Variants in ASB5 observed in about 807,000 individuals in gnomAD.
ASB5 encodes ankyrin repeat and SOCS box protein 5.
Under a neutral mutation model 42.1 loss-of-function variants are expected in ASB5, and 45 were observed. That is an observed-to-expected ratio of 1.07 (90% CI 0.84 to 1.37). The LOEUF (loss-of-function observed/expected upper bound fraction) is 1.37, where lower values mean the gene tolerates loss of function less well. ASB5 is among the 40% of genes most tolerant of loss of function. The pLI, the probability that ASB5 is intolerant of heterozygous loss-of-function variation, is 0.00. For synonymous variants in ASB5, 147 were observed against 150.6 expected (o/e 0.98, Z 0.18); for missense variants, 402 against 399.8 (o/e 1.01, Z -0.05).
chr4:176,257,998 T>G (rs958517539), intron 1 of ASB5, among the ~76,000 whole-genome samples: 7 of 152,200 alleles, frequency 4.6e-5, no homozygotes, highest in African/African-American at 1.7e-4. Flanking sequence ...TATTATGTGC[T>G]TGTAGTAACC....
chr4:176,261,877 T>TAA (rs2126976591), intron 1 of ASB5, among the ~76,000 whole-genome samples: 1 of 151,888 alleles, frequency 6.6e-6, no homozygotes, highest in African/African-American at 2.4e-5. Context: ...TACATATATA[T>TAA]AATACAGAAA....
intron 1 of ASB5, chr4:176,237,259 G>T: frequency 2.0e-6 from 2 of 984,544 alleles, no homozygotes; most frequent in African/African-American, 1.7e-5. Flanking sequence ...TTTATTTCAG[G>T]ACACTGACAG....
At chr4:176,235,780 G>A (rs895251360) in intron 1 of ASB5, among the ~76,000 whole-genome samples, 6 of 149,894 alleles carry the variant, frequency 4.0e-5, no homozygotes, top group Non-Finnish European at 8.9e-5. Flanking sequence ...GTGAAAGTTT[G>A]CTAAGACTTG....
intron 1 of ASB5, among the ~76,000 whole-genome samples, chr4:176,254,855 G>T (rs2126972282): frequency 6.6e-6 from 1 of 152,274 alleles, no homozygotes. Flanking sequence ...ATGAGGGCCA[G>T]GTGCGGTGGC....
intron 1 of ASB5, among the ~76,000 whole-genome samples, chr4:176,226,865 G>A (rs1367008359): frequency 6.6e-6 from 1 of 152,222 alleles, no homozygotes; most frequent in Non-Finnish European, 1.5e-5. Context: ...TGGAGGGCAA[G>A]TAGCTGAGCC....
upstream of ASB5, among the ~76,000 whole-genome samples, chr4:176,270,379 C>T (rs992194042): frequency 4.6e-5 from 7 of 152,168 alleles, no homozygotes; most frequent in South Asian, 2.1e-4. Context: ...GTGTGCTTCT[C>T]TCCCTCGGTG....
At chr4:176,225,523 A>G (rs1222625937) in intron 1 of ASB5, among the ~76,000 whole-genome samples, 182 bp from the exon 2 acceptor site, 1 of 152,178 alleles carries the variant, frequency 6.6e-6, no homozygotes, top group Non-Finnish European at 1.5e-5. Flanking sequence ...CCAGATAGGC[A>G]GTTCCCAACA....
At chr4:176,254,209 A>C (rs1754103742) in intron 1 of ASB5, among the ~76,000 whole-genome samples, 2 of 152,212 alleles carry the variant, frequency 1.3e-5, no homozygotes, top group Admixed American at 6.5e-5. Context: ...TAGTGGTGCA[A>C]AAACAAATAC....
Position 176,225,349 on chromosome 4 carries a change from A to T in ASB5, c.197-8T>A, listed in dbSNP as rs1216361589. 1 of 1,608,582 alleles carries T rather than the reference A, an allele frequency of 6.2e-7. No homozygotes were observed. Among genetic ancestry groups the T allele is most frequent in the Non-Finnish European group, 8.5e-7 (1 of 1,178,228 alleles). ...ATCGATCTGCCCAGGAACCTGTCAAAAAAGAAAAAAAGAAAGAAAAGAAAA... is the reference window on the plus strand; with the variant it reads ...ATCGATCTGCCCAGGAACCTGTCAATAAAGAAAAAAAGAAAGAAAAGAAAA... On this transcript the variant is annotated splice_polypyrimidine_tract_variant and splice_region_variant and intron_variant, in intron 1 of 6. Coordinates refer to ENST00000296525, the MANE Select transcript of ASB5 (RefSeq NM_080874.4).
chr4:176,226,259 AACACTCTCCTCGAGTTGGG>A (rs1270782044), intron 1 of ASB5, among the ~76,000 whole-genome samples: 8 of 152,036 alleles, frequency 5.3e-5, no homozygotes, highest in African/African-American at 1.7e-4. Flanking sequence ...CTGGTGTTGG[AACACTCTCCTCGAGTTGGG>A]ACACTCTCCT....
chr4:176,277,029 T>A (rs1186211032), intron 1 of ASB5, among the ~76,000 whole-genome samples: 3 of 152,096 alleles, frequency 2.0e-5, no homozygotes, highest in Non-Finnish European at 4.4e-5. Flanking sequence ...AGTTCCTTAA[T>A]CCCTCTGAGC....
At chr4:176,242,644 A>T (rs1468995883) in intron 1 of ASB5, among the ~76,000 whole-genome samples, 1 of 152,182 alleles carries the variant, frequency 6.6e-6, no homozygotes, top group African/African-American at 2.4e-5. Context: ...AACAACGACA[A>T]GTTTGGACAG....
At chr4:176,243,245 T>C (rs1753845928) in intron 1 of ASB5, among the ~76,000 whole-genome samples, 1 of 149,730 alleles carries the variant, frequency 6.7e-6, no homozygotes, top group South Asian at 2.1e-4. Flanking sequence ...ATGAAAAGAA[T>C]GTGGATGTGA....
chr4:176,238,270 G>A (rs932907294), intron 1 of ASB5, among the ~76,000 whole-genome samples: 2 of 149,080 alleles, frequency 1.3e-5, no homozygotes, highest in African/African-American at 4.9e-5. Context: ...TTTTCATTTT[G>A]CAAGGATCTA....
chr4:176,231,843 T>TCAAAA lies in ASB5; in HGVS notation c.197-6507_197-6503dup, dbSNP rs59394156. On this transcript the variant is annotated intron_variant, in intron 1 of 6. Coordinates refer to ENST00000296525, the MANE Select transcript of ASB5 (RefSeq NM_080874.4). ...TTGGGCAACAGAGTGAGACTCTGTC[T>TCAAAA]CAAAACAAAACAAAACAAATAAACA... 4.4e-4 allele frequency among the ~76,000 whole-genome samples: 66 copies of TCAAAA among 148,478 alleles called. 2 individuals are homozygous for TCAAAA. The highest frequency in any genetic ancestry group is 3.5e-3 in the South Asian group (16 of 4,630).
chr4:176,215,666 T>C lies in ASB5; in HGVS notation c.924A>G (p.Pro308=), dbSNP rs1264308320. The change falls in exon 7 of 7, where the codon CCA becomes CCG. Residue 308 remains proline, a synonymous_variant. Transcript: ENST00000296525. ...GGAGTTGTGGGATAAGGTGCAATCT[T>C]GGTTTTCCTATGTAGCTTCGGATAC... is the stretch of plus-strand genomic sequence containing the variant. The part of the protein sequence containing the change: ...RLCIRSYIGK[P]RLHLIPQLQL... 2 of 1,613,288 alleles carry C rather than the reference T, an allele frequency of 1.2e-6. No homozygotes were observed. Among genetic ancestry groups the C allele is most frequent in the Non-Finnish European group, 1.7e-6 (2 of 1,179,596 alleles).
intron 2 of ASB5, among the ~76,000 whole-genome samples, chr4:176,274,273 T>C (rs753335767): frequency 6.6e-6 from 1 of 152,186 alleles, no homozygotes; most frequent in African/African-American, 2.4e-5. Context: ...GACAGTAATA[T>C]AGATTTGACA....
intron 1 of ASB5, chr4:176,249,578 A>G (rs1753982343): frequency 6.6e-6 from 1 of 152,066 alleles, no homozygotes; most frequent in African/African-American, 2.4e-5. Flanking sequence ...TGAGGGTAAT[A>G]AGAGACTTCA....
intron 1 of ASB5, among the ~76,000 whole-genome samples, chr4:176,250,523 A>G (rs1038423846): frequency 5.9e-5 from 9 of 152,200 alleles, no homozygotes; most frequent in African/African-American, 2.2e-4. Context: ...AGATCACAAA[A>G]GAAAGCCCCA....
Sources: gnomAD v4.1 joint callset for allele counts (sites outside exome capture counted in the v4.1 genomes callset) on GRCh38, gnomAD v4.1.1 for gene constraint, MANE v1.5 for transcripts, NCBI Gene and HGNC (gene_info 2026-07-23, HGNC 2026-07-21) for gene names.